DAB1: variants seen among roughly 807,000 people sequenced by gnomAD.
DAB1 encodes the protein disabled homolog 1.
DAB1 carries 15 observed loss-of-function variants against 64.6 expected under a neutral mutation model. The ratio of observed to expected loss-of-function variants is 0.23; its 90% CI spans 0.16 to 0.36. The LOEUF (loss-of-function observed/expected upper bound fraction) is 0.36. DAB1 is among the 10% of genes least tolerant of loss of function. The pLI, the probability that DAB1 is intolerant of heterozygous loss-of-function variation, is 1.00. For synonymous variants in DAB1, 235 were observed against 251.9 expected, an observed-to-expected ratio of 0.93 and a Z score of 0.64; for missense variants, 596 against 706.7, an observed-to-expected ratio of 0.84 and a Z score of 1.78.
chr1:57,766,672 A>G (rs1416878707), intron 6 of DAB1, among the ~76,000 whole-genome samples: 1 of 150,462 alleles, frequency 6.6e-6, no homozygotes, highest in East Asian at 1.9e-4. Flanking sequence ...CTAGTCATCT[A>G]GCGGGTGTCC....
intron 3 of DAB1, among the ~76,000 whole-genome samples, chr1:58,387,518 G>A (rs1316618860): frequency 1.3e-5 from 2 of 152,110 alleles, no homozygotes; most frequent in South Asian, 2.1e-4. Flanking sequence ...GGAAAGTGAA[G>A]GGCAAAACTT....
Position 58,048,110 on chromosome 1 carries a change from G to A in DAB1, n.387+102401C>T. The A allele has an allele frequency of 5.6e-6, 5 of 897,894 alleles. No individual in the cohort carries two copies. In the African/African-American group the frequency reaches 6.5e-5, roughly 12 times the overall value. 55.6% of individuals were successfully genotyped at this position (897,894 alleles called of 1,614,324 possible). On this transcript the variant is annotated intron_variant and non_coding_transcript_variant, in intron 5 of 20. Coordinates refer to the DAB1 transcript ENST00000485760. ...TGTGTTTGGCTGAGTTCACAAATCT[G>A]TTGTAACCTATAGCTTCCCTGTCAC...
intron 1 of DAB1, chr1:57,866,930 C>A (rs1654327477): frequency 6.6e-6 from 1 of 152,120 alleles, no homozygotes; most frequent in African/African-American, 2.4e-5. Flanking sequence ...TATTTGAGGT[C>A]ATGAAATAGC....
intron 4 of DAB1, among the ~76,000 whole-genome samples, chr1:57,097,423 G>A (rs1654263411): frequency 1.3e-5 from 2 of 152,244 alleles, no homozygotes; most frequent in Non-Finnish European, 1.5e-5. Flanking sequence ...GACAGGAGAA[G>A]AAGGAGCTGG....
intron 4 of DAB1, among the ~76,000 whole-genome samples, chr1:57,104,816 A>G (rs1282770181): frequency 6.6e-6 from 1 of 152,116 alleles, no homozygotes; most frequent in African/African-American, 2.4e-5. Flanking sequence ...GTGAGTGGGC[A>G]GTCTGGGACA....
At chr1:58,381,617 GT>G (rs1282705644) in intron 3 of DAB1, among the ~76,000 whole-genome samples, 1 of 152,218 alleles carries the variant, frequency 6.6e-6, no homozygotes, top group Non-Finnish European at 1.5e-5. Flanking sequence ...TCAGGATACA[GT>G]TTGAAGACCA....
intron 7 of DAB1, among the ~76,000 whole-genome samples, chr1:57,470,377 A>T (rs17115845): frequency 0.076 from 11,535 of 152,312 alleles, 543 homozygotes; most frequent in South Asian, 0.2. Flanking sequence ...CCAGATTTTC[A>T]AAAACACTTC....
intron 7 of DAB1, among the ~76,000 whole-genome samples, chr1:57,466,667 C>T (rs879476725): frequency 7.2e-5 from 11 of 152,124 alleles, no homozygotes; most frequent in Non-Finnish European, 1.0e-4. Context: ...AAGATGTTGA[C>T]GGGGCTGGGC....
intron 5 of DAB1, among the ~76,000 whole-genome samples, chr1:57,991,845 CAAAAAAAAAAAA>C (rs56324635): frequency 1.7e-5 from 1 of 60,144 alleles, no homozygotes; most frequent in Non-Finnish European, 2.8e-5. Context: ...GGCTCTGTCT[CAAAAAAAAAAAA>C]AAAAAAAAAA....
intron 1 of DAB1, among the ~76,000 whole-genome samples, chr1:57,365,404 A>C (rs1679915199): frequency 6.9e-6 from 1 of 145,842 alleles, no homozygotes; most frequent in African/African-American, 2.5e-5. Context: ...ATATATATAA[A>C]GAAGAATATA....
intron 7 of DAB1, among the ~76,000 whole-genome samples, chr1:57,558,904 T>G (rs1198879033): frequency 6.6e-6 from 1 of 152,206 alleles, no homozygotes; most frequent in Non-Finnish European, 1.5e-5. Flanking sequence ...AGATATACCC[T>G]TGACCAATGC....
At chr1:57,519,613 C>A (rs1644502531) in intron 7 of DAB1, among the ~76,000 whole-genome samples, 1 of 152,106 alleles carries the variant, frequency 6.6e-6, no homozygotes, top group African/African-American at 2.4e-5. Context: ...CCCTAGAGGG[C>A]TTTGAGGGCA....
chr1:58,298,589 C>A (rs1202328205), intron 4 of DAB1, among the ~76,000 whole-genome samples: 1 of 152,230 alleles, frequency 6.6e-6, no homozygotes, highest in Non-Finnish European at 1.5e-5. Context: ...GCTGCAGGTG[C>A]GGCAGACATT....
At chr1:58,480,667 T>C (rs72669901) in intron 3 of DAB1, 118 of 215,876 alleles carry the variant, frequency 5.5e-4, no homozygotes, top group Non-Finnish European at 8.5e-4. Context: ...TGGGCTCATT[T>C]CTCATCCACT....
chr1:57,966,254 A>G (rs1392713640), intron 5 of DAB1, among the ~76,000 whole-genome samples: 1 of 152,188 alleles, frequency 6.6e-6, no homozygotes, highest in Non-Finnish European at 1.5e-5. Context: ...AGCTTCTTTC[A>G]GGAAGAGCTG....
intron 3 of DAB1, among the ~76,000 whole-genome samples, chr1:58,500,841 A>G (rs1645895184): frequency 6.6e-6 from 1 of 152,222 alleles, no homozygotes; most frequent in African/African-American, 2.4e-5. Context: ...TCAGTTTTAA[A>G]ATAAATCTTT....
chr1:58,295,543 A>G (rs1661949089), intron 4 of DAB1, among the ~76,000 whole-genome samples: 1 of 152,156 alleles, frequency 6.6e-6, no homozygotes. Flanking sequence ...CTCTCCCCTC[A>G]TTCTCTAGCT....
chr1:58,395,518 G>A (rs1644514069), intron 3 of DAB1, among the ~76,000 whole-genome samples: 1 of 152,232 alleles, frequency 6.6e-6, no homozygotes, highest in African/African-American at 2.4e-5. Flanking sequence ...CAAGAGGCCA[G>A]TGTTCTGAAT....
intron 7 of DAB1, among the ~76,000 whole-genome samples, chr1:57,614,868 C>CTTTTTTT (rs34907824): frequency 1.3e-3 from 52 of 38,754 alleles, no homozygotes; most frequent in African/African-American, 2.6e-3. Flanking sequence ...TTCTTTCTTT[C>CTTTTTTT]TTTTTTTTTT....
Sources: allele counts gnomAD v4.1 joint callset (sites outside exome capture counted in the v4.1 genomes callset), GRCh38; gene constraint gnomAD v4.1.1; transcripts MANE v1.5; gene names NCBI Gene and HGNC (gene_info 2026-07-23, HGNC 2026-07-21).